The following TEC variants were observed in gnomAD, a reference collection of about 807,000 sequenced individuals.
The protein encoded by TEC is tyrosine-protein kinase Tec.
In TEC, 72 loss-of-function variants were observed where a neutral mutation model predicts 93.0. The ratio of observed to expected loss-of-function variants is 0.77; its 90% CI spans 0.64 to 0.94. The LOEUF is 0.94. TEC is among the 40% of genes least tolerant of loss of function. TEC has a pLI of 0.00. For missense variants in TEC, 630 were observed against 757.9 expected (o/e 0.83, Z 1.98); for synonymous variants, 249 against 247.7 (o/e 1.01, Z -0.05).
At chr4:48,164,347 A>C (rs1720793190) in intron 7 of TEC, among the ~76,000 whole-genome samples, 1 of 152,174 alleles carries the variant, frequency 6.6e-6, no homozygotes, top group Non-Finnish European at 1.5e-5. Flanking sequence ...AATAAATGTG[A>C]ACTGAGAAGA....
At chr4:48,210,587 C>T (rs1226154190) in intron 2 of TEC, among the ~76,000 whole-genome samples, 2 of 151,964 alleles carry the variant, frequency 1.3e-5, no homozygotes, top group Non-Finnish European at 2.9e-5. Flanking sequence ...CCACAGTTAC[C>T]ACAACTGGCA....
intron 1 of TEC, among the ~76,000 whole-genome samples, chr4:48,244,364 G>A (rs183054413): frequency 6.2e-4 from 94 of 152,350 alleles, no homozygotes; most frequent in South Asian, 3.9e-3. Context: ...GGAAGGCAAG[G>A]AGGAGCAAGT....
chr4:48,172,368 T>C (rs748989424), intron 3 of TEC, among the ~76,000 whole-genome samples: 10 of 152,180 alleles, frequency 6.6e-5, no homozygotes, highest in Non-Finnish European at 1.3e-4. Flanking sequence ...CTTTCATTGA[T>C]AAATGGTTAT....
rs116421681 is a variant in TEC, at chr4:48,171,563, G to C, written c.244-114C>G. 4.7e-3 allele frequency: 3,299 copies of C among 695,018 alleles called. 69 individuals carry two copies. Among genetic ancestry groups the C allele is most frequent in the African/African-American group, 0.045 (2,475 of 55,288 alleles). 43.1% of individuals were successfully genotyped at this position (695,018 alleles called of 1,614,324 possible). ...ATAAATGATTCTCAAATAACTGAAA[G>C]TCAATAACTTCATATCCAGAAAACC... On this transcript the variant is annotated intron_variant, in intron 3 of 17. Coordinates refer to ENST00000381501, the MANE Select transcript of TEC (RefSeq NM_003215.3).
chr4:48,187,097 T>A (rs1268655065), intron 2 of TEC, among the ~76,000 whole-genome samples: 1 of 152,266 alleles, frequency 6.6e-6, no homozygotes, highest in Non-Finnish European at 1.5e-5. Context: ...GAAAAATTCT[T>A]CTGCCTTGGG....
intron 2 of TEC, among the ~76,000 whole-genome samples, chr4:48,224,802 A>G (rs1723387129): frequency 6.6e-6 from 1 of 152,200 alleles, no homozygotes; most frequent in African/African-American, 2.4e-5. Flanking sequence ...GGTTTATTAC[A>G]TAATAGGAAG....
intron 2 of TEC, among the ~76,000 whole-genome samples, chr4:48,178,580 A>T (rs1400885271): frequency 6.6e-6 from 1 of 152,146 alleles, no homozygotes. Context: ...TTTTGGGTAC[A>T]TTACCCAAAG....
At chr4:48,259,627 A>T (rs535618437) in intron 1 of TEC, among the ~76,000 whole-genome samples, 1 of 152,038 alleles carries the variant, frequency 6.6e-6, no homozygotes, top group African/African-American at 2.4e-5. Flanking sequence ...GAGGCATGAG[A>T]ATCTCCTAAA....
rs554972451 is a variant in TEC, at chr4:48,193,714, T to C, written c.139-17528A>G. Among the ~76,000 whole-genome samples, 346 of 152,226 alleles carry C rather than the reference T, an allele frequency of 2.3e-3. 1 individual carries two copies. Among genetic ancestry groups the C allele is most frequent in the Non-Finnish European group, 4.3e-3 (294 of 68,016 alleles). On this transcript the variant is annotated intron_variant, in intron 2 of 17. Transcript: ENST00000381501. ...TGGTTAATACTGACTAGTAGCACTTTGTTTCTCTAGTAGGACTGCGTGTGT... is the reference window on the plus strand; with the variant it reads ...TGGTTAATACTGACTAGTAGCACTTCGTTTCTCTAGTAGGACTGCGTGTGT...
At chr4:48,179,243 C>T (rs1721457775) in intron 2 of TEC, among the ~76,000 whole-genome samples, 1 of 149,630 alleles carries the variant, frequency 6.7e-6, no homozygotes, top group South Asian at 2.1e-4. Context: ...ATTACTACAC[C>T]CATTTTACTG....
At chr4:48,146,479 G>C in intron 11 of TEC, 80 bp from the exon 12 acceptor site, 1 of 1,282,012 alleles carries the variant, frequency 7.8e-7, no homozygotes, top group Non-Finnish European at 1.1e-6. Flanking sequence ...AACTCACTTA[G>C]AAAATTCATC....
chr4:48,226,444 C>T (rs1234236743), intron 2 of TEC, among the ~76,000 whole-genome samples: 1 of 152,080 alleles, frequency 6.6e-6, no homozygotes, highest in Non-Finnish European at 1.5e-5. Context: ...GACAGCAAGA[C>T]CAACCCCTCC....
chr4:48,240,463 T>TG, intron 1 of TEC, among the ~76,000 whole-genome samples: 1 of 152,244 alleles, frequency 6.6e-6, no homozygotes, highest in Middle Eastern at 3.4e-3. Context: ...TACCTTCCAA[T>TG]GGTCCCGGTG....
intron 1 of TEC, among the ~76,000 whole-genome samples, chr4:48,243,860 T>A (rs776553777): frequency 2.2e-4 from 34 of 151,472 alleles, no homozygotes; most frequent in Non-Finnish European, 3.8e-4. Context: ...GAGAAACAAC[T>A]AATGTAAATG....
At chr4:48,166,040 A>T (rs1720860773) in intron 7 of TEC, among the ~76,000 whole-genome samples, 1 of 152,188 alleles carries the variant, frequency 6.6e-6, no homozygotes, top group African/African-American at 2.4e-5. Flanking sequence ...CAAGGTCTAC[A>T]TGGGCCTTCT....
In TEC at chr4:48,149,818, C is replaced by A. The variant is rs16861065; in HGVS notation, c.873-128G>T. The A allele has an allele frequency of 2.6e-3, 2,219 of 868,084 alleles. 26 individuals carry two copies. The African/African-American group carries it at 0.026, about 10-fold the overall frequency. The allele number at this position is 868,084 out of a possible 1,614,324, so 53.8% of individuals were successfully genotyped here. A position where few individuals can be genotyped will look rare whatever the true frequency, so the allele number is the denominator to read the frequency against. On this transcript the variant is annotated intron_variant, in intron 10 of 17. Coordinates refer to ENST00000381501, the MANE Select transcript of TEC (RefSeq NM_003215.3). Reference sequence around the variant, plus strand: ...CCATCTATTCCTGGCACAAATTTTACTTTCCCCTTGTTCTTCTTAGCTTTG... The same window carrying A: ...CCATCTATTCCTGGCACAAATTTTAATTTCCCCTTGTTCTTCTTAGCTTTG...
In TEC at chr4:48,195,747, G is replaced by A. The variant is rs58251115; in HGVS notation, c.139-19561C>T. Among the ~76,000 whole-genome samples, 1,063 of 152,334 alleles carry A rather than the reference G, an allele frequency of 7.0e-3. 11 individuals are homozygous for A. The highest frequency in any genetic ancestry group is 0.024 in the African/African-American group (1,002 of 41,574). On this transcript the variant is annotated intron_variant, in intron 2 of 17. Coordinates refer to ENST00000381501, the MANE Select transcript of TEC (RefSeq NM_003215.3). ...GTTGTACTCTTTGCTGGCTATCACA[G>A]CTAGGAGCCATAATTAAACTATTTG...
intron 2 of TEC, among the ~76,000 whole-genome samples, chr4:48,214,316 C>T (rs1276686941): frequency 6.6e-6 from 1 of 152,082 alleles, no homozygotes; most frequent in East Asian, 1.9e-4. Context: ...TACAAAGCCT[C>T]CCACTTAAAA....
At chr4:48,168,756 G>A in intron 5 of TEC, 130 bp from the exon 6 acceptor site, 1 of 845,048 alleles carries the variant, frequency 1.2e-6, no homozygotes, top group Non-Finnish European at 1.9e-6. Context: ...ACCAACTCTG[G>A]TGTATGCTGC....
Sources: allele counts gnomAD v4.1 joint callset (sites outside exome capture counted in the v4.1 genomes callset), GRCh38; gene constraint gnomAD v4.1.1; transcripts MANE v1.5; gene names NCBI Gene and HGNC (gene_info 2026-07-23, HGNC 2026-07-21).